Variants in CTNNA2 observed in about 807,000 individuals in gnomAD.
CTNNA2 encodes catenin alpha-2.
CTNNA2 carries 42 observed loss-of-function variants against 101.0 expected under a neutral mutation model. That is an observed-to-expected ratio of 0.42 (90% CI 0.32 to 0.54). The LOEUF (loss-of-function observed/expected upper bound fraction) is 0.54. Among genes scored for constraint, CTNNA2 ranks in the 20% least tolerant of loss-of-function variants. The pLI is 0.14. For synonymous variants in CTNNA2, 450 were observed against 456.4 expected (o/e 0.99, Z 0.18); for missense variants, 871 against 1,223.1 (o/e 0.71, Z 4.29).
chr2:79,673,643 T>C (rs1274292967), intron 2 of CTNNA2, among the ~76,000 whole-genome samples: 3 of 152,196 alleles, frequency 2.0e-5, no homozygotes, highest in African/African-American at 7.2e-5. Flanking sequence ...TGAATGACCA[T>C]TTGCCTTTTT....
chr2:79,210,842 C>G (rs1395038139), intron 2 of CTNNA2, among the ~76,000 whole-genome samples: 1 of 152,098 alleles, frequency 6.6e-6, no homozygotes, highest in Non-Finnish European at 1.5e-5. Context: ...CCCGTATTCC[C>G]AAGAGATGAT....
intron 1 of CTNNA2, among the ~76,000 whole-genome samples, chr2:79,550,131 G>A (rs1674002351): frequency 6.6e-6 from 1 of 152,180 alleles, no homozygotes; most frequent in Admixed American, 6.5e-5. Flanking sequence ...GGATATCAAT[G>A]TCAAGTGAAA....
intron 7 of CTNNA2, among the ~76,000 whole-genome samples, chr2:80,178,062 T>C (rs1319295896): frequency 8.5e-5 from 13 of 152,194 alleles, no homozygotes. Flanking sequence ...TTGTCACCTT[T>C]TCCTCTGTCA....
In CTNNA2 at chr2:79,967,110, G is replaced by T. The variant is rs576870599; in HGVS notation, c.1056+57313G>T. Among the ~76,000 whole-genome samples, 4 of 61,314 alleles carry T rather than the reference G, an allele frequency of 6.5e-5. No homozygotes were observed. In the East Asian group the frequency reaches 2.4e-3, roughly 37 times the overall value. The allele number at this position is 61,314 out of a possible 152,430, so 40.2% of individuals were successfully genotyped here. A position where few individuals can be genotyped will look rare whatever the true frequency, so the allele number is the denominator to read the frequency against. On this transcript the variant is annotated intron_variant, in intron 7 of 18. Coordinates refer to ENST00000402739, the MANE Select transcript of CTNNA2 (RefSeq NM_001282597.3). Reference sequence around the variant, plus strand: ...CTCAAGCCTATGCGTGCACACACGCGCACGCACGTGTGTGTGTGTGTGTGT... The same window carrying T: ...CTCAAGCCTATGCGTGCACACACGCTCACGCACGTGTGTGTGTGTGTGTGT...
intron 1 of CTNNA2, among the ~76,000 whole-genome samples, chr2:79,585,541 T>C (rs1197142208): frequency 6.6e-6 from 1 of 152,082 alleles, no homozygotes; most frequent in Non-Finnish European, 1.5e-5. Flanking sequence ...AACATAAGAT[T>C]GGTTTAATAT....
In CTNNA2 at chr2:80,306,448, CTT is replaced by C. The variant is rs144449279; in HGVS notation, c.1057-86761_1057-86760del. On this transcript the variant is annotated intron_variant, in intron 7 of 18. Coordinates refer to ENST00000402739, the MANE Select transcript of CTNNA2 (RefSeq NM_001282597.3). ...TCTTTCTTTCTTTCTTTCTTTCTTT[CTT>C]TCTCTCTCTCTCTTTCTTTCTTTCT... Among the ~76,000 whole-genome samples the C allele has an allele frequency of 3.7e-3, 500 of 136,182 alleles. 3 individuals carry two copies. Among genetic ancestry groups the C allele is most frequent in the East Asian group, 0.031 (131 of 4,164 alleles). The allele number at this position is 136,182 out of a possible 152,430, so 89.3% of individuals were successfully genotyped here. A position where few individuals can be genotyped will look rare whatever the true frequency, so the allele number is the denominator to read the frequency against.
At chr2:80,286,974 A>G (rs896973864) in intron 7 of CTNNA2, among the ~76,000 whole-genome samples, 1 of 152,200 alleles carries the variant, frequency 6.6e-6, no homozygotes, top group African/African-American at 2.4e-5. Flanking sequence ...CATAAATAGT[A>G]TATAACAGGA....
intron 7 of CTNNA2, among the ~76,000 whole-genome samples, chr2:80,202,375 C>A (rs1707261963): frequency 6.6e-6 from 1 of 152,106 alleles, no homozygotes; most frequent in Non-Finnish European, 1.5e-5. Flanking sequence ...TACAGGCAAC[C>A]ATACAGATTA....
At chr2:79,687,456 T>G in intron 2 of CTNNA2, 1 of 523,536 alleles carries the variant, frequency 1.9e-6, no homozygotes, top group Non-Finnish European at 3.4e-6. Context: ...TTTTTTTTTT[T>G]GTACCTTCAG....
At chr2:79,613,354 T>G (rs1678413175) in intron 1 of CTNNA2, among the ~76,000 whole-genome samples, 1 of 151,534 alleles carries the variant, frequency 6.6e-6, no homozygotes, top group African/African-American at 2.4e-5. Flanking sequence ...TTCTTTGGTT[T>G]TTTTTTTTTT....
At chr2:80,402,674 T>C (rs1361780007) in intron 8 of CTNNA2, among the ~76,000 whole-genome samples, 1 of 151,304 alleles carries the variant, frequency 6.6e-6, no homozygotes, top group Admixed American at 6.6e-5. Context: ...TCTACAAGGG[T>C]TTTAGGAACC....
chr2:79,857,865 G>A, intron 3 of CTNNA2, 148 bp from the exon 4 acceptor site: 1 of 754,314 alleles, frequency 1.3e-6, no homozygotes, highest in Non-Finnish European at 2.2e-6. Context: ...GACTTAAAGG[G>A]CTCTTTGCTG....
intron 4 of CTNNA2, among the ~76,000 whole-genome samples, chr2:79,504,004 A>G (rs947281024): frequency 6.6e-6 from 1 of 152,158 alleles, no homozygotes; most frequent in African/African-American, 2.4e-5. Flanking sequence ...TTCAATGGGA[A>G]TAATTGTTAG....
chr2:79,473,074 G>A (rs1403844440), intron 4 of CTNNA2, among the ~76,000 whole-genome samples: 1 of 152,082 alleles, frequency 6.6e-6, no homozygotes, highest in East Asian at 1.9e-4. Context: ...GACCATCCAT[G>A]TCTTTGCCAA....
chr2:79,771,357 T>A (rs539246110), intron 3 of CTNNA2, among the ~76,000 whole-genome samples: 2 of 152,302 alleles, frequency 1.3e-5, no homozygotes, highest in Non-Finnish European at 2.9e-5. Flanking sequence ...GAAGATAGTT[T>A]TTCCTCAGAC....
At chr2:80,170,855 C>G (rs1474443821) in intron 7 of CTNNA2, among the ~76,000 whole-genome samples, 1 of 152,142 alleles carries the variant, frequency 6.6e-6, no homozygotes, top group Non-Finnish European at 1.5e-5. Flanking sequence ...TTATATTTAA[C>G]TGCTCTATAC....
At position 79,999,360 on chromosome 2, in the gene CTNNA2, A is replaced by G. The variant is rs147139325; in HGVS notation, c.1056+89563A>G. ...ACCATAGTTGTTTCCTTACAAAGCA[A>G]CTGGTTATCTCTCCTATACTAAAGC... On this transcript the variant is annotated intron_variant, in intron 7 of 18. Coordinates refer to ENST00000402739, the MANE Select transcript of CTNNA2 (RefSeq NM_001282597.3). Among the ~76,000 whole-genome samples, 711 of 152,284 alleles carry G rather than the reference A, an allele frequency of 4.7e-3. 9 individuals carry two copies. The highest frequency in any genetic ancestry group is 0.016 in the African/African-American group (656 of 41,568).
intron 2 of CTNNA2, among the ~76,000 whole-genome samples, chr2:79,728,948 G>T (rs1409146297): frequency 6.6e-6 from 1 of 151,992 alleles, no homozygotes; most frequent in Non-Finnish European, 1.5e-5. Context: ...CTCTGTTTTG[G>T]TACCAGTACC....
At chr2:80,367,004 T>G (rs1183284238) in intron 7 of CTNNA2, among the ~76,000 whole-genome samples, 8 of 128,614 alleles carry the variant, frequency 6.2e-5, no homozygotes, top group Admixed American at 3.0e-4. Flanking sequence ...GACAAATGGT[T>G]GCATTTTTTT....
Sources: allele counts gnomAD v4.1 joint callset (sites outside exome capture counted in the v4.1 genomes callset), GRCh38; gene constraint gnomAD v4.1.1; transcripts MANE v1.5; gene names NCBI Gene and HGNC (gene_info 2026-07-23, HGNC 2026-07-21).